HHAT: variants seen among roughly 807,000 people sequenced by gnomAD.
HHAT encodes protein-cysteine N-palmitoyltransferase HHAT.
A neutral mutation model predicts 70.8 loss-of-function variants in HHAT; 47 were observed. The ratio of observed to expected loss-of-function variants is 0.66; its 90% CI spans 0.53 to 0.85. The LOEUF (loss-of-function observed/expected upper bound fraction) is 0.85, where lower values mean the gene tolerates loss of function less well. HHAT is among the 40% of genes least tolerant of loss of function. HHAT has a pLI of 0.00. For synonymous variants in HHAT, 228 were observed against 247.6 expected, an observed-to-expected ratio of 0.92 and a Z score of 0.74; for missense variants, 609 against 604.8, an observed-to-expected ratio of 1.01 and a Z score of -0.07.
intron 9 of HHAT, among the ~76,000 whole-genome samples, chr1:210,553,613 G>A (rs1296917953): frequency 6.6e-6 from 1 of 152,210 alleles, no homozygotes; most frequent in Non-Finnish European, 1.5e-5. Context: ...TGCCCACAGG[G>A]CGTCAGACAG....
upstream of HHAT, among the ~76,000 whole-genome samples, chr1:210,327,678 G>C (rs895783015): frequency 3.3e-5 from 5 of 149,262 alleles, no homozygotes; most frequent in African/African-American, 1.2e-4. Context: ...GCTAATTTTT[G>C]TATTTTTAGT....
intron 10 of HHAT, among the ~76,000 whole-genome samples, chr1:210,599,839 G>T (rs116251275): frequency 2.2e-3 from 334 of 152,086 alleles, no homozygotes; most frequent in Non-Finnish European, 3.4e-3. Context: ...TTAGAACCAG[G>T]TCCACAACAT....
intron 9 of HHAT, among the ~76,000 whole-genome samples, chr1:210,548,142 G>C (rs1019222974): frequency 6.6e-6 from 1 of 152,182 alleles, no homozygotes; most frequent in East Asian, 1.9e-4. Context: ...GAACATTTCT[G>C]TTCTGCTGTC....
intron 7 of HHAT, among the ~76,000 whole-genome samples, chr1:210,454,169 G>A (rs1212613254): frequency 1.3e-5 from 2 of 152,172 alleles, no homozygotes. Context: ...TATAATTTAA[G>A]TTGAGATTTG....
intron 7 of HHAT, among the ~76,000 whole-genome samples, chr1:210,423,526 T>G (rs2092967191): frequency 6.6e-6 from 1 of 152,222 alleles, no homozygotes; most frequent in Non-Finnish European, 1.5e-5. Flanking sequence ...TTCACTCTGT[T>G]GTTTCCTTTT....
chr1:210,492,458 G>A (rs1463498549), intron 8 of HHAT, among the ~76,000 whole-genome samples: 2 of 152,194 alleles, frequency 1.3e-5, no homozygotes, highest in African/African-American at 4.8e-5. Flanking sequence ...TAGATGGGGG[G>A]AGGCATGGAT....
intron 6 of HHAT, among the ~76,000 whole-genome samples, chr1:210,410,523 A>ATTTTTTTTTTTTTTTTTTT (rs35608235): frequency 9.4e-5 from 11 of 116,422 alleles, no homozygotes; most frequent in African/African-American, 4.0e-4. Flanking sequence ...TTATTTGTAA[A>ATTTTTTTTTTTTTTTTTTT]TTTTTTTTTT....
At chr1:210,524,421 AG>A (rs1443650484) in intron 9 of HHAT, among the ~76,000 whole-genome samples, 2 of 152,110 alleles carry the variant, frequency 1.3e-5, no homozygotes, top group African/African-American at 4.8e-5. Flanking sequence ...AGGAGTCACC[AG>A]GGAAAGGGCG....
intron 8 of HHAT, among the ~76,000 whole-genome samples, chr1:210,495,974 G>A (rs1359617074): frequency 8.3e-6 from 1 of 120,006 alleles, no homozygotes; most frequent in Non-Finnish European, 1.6e-5. Flanking sequence ...TCACACCACT[G>A]CATTCCAGCC....
At chr1:210,466,117 G>GGAAT (rs2094101512) in intron 8 of HHAT, among the ~76,000 whole-genome samples, 1 of 151,478 alleles carries the variant, frequency 6.6e-6, no homozygotes. Flanking sequence ...GGAATCGCAA[G>GGAAT]GAATCGCAAG....
intron 8 of HHAT, among the ~76,000 whole-genome samples, chr1:210,486,664 C>T (rs1312651284): frequency 6.6e-6 from 1 of 152,076 alleles, no homozygotes; most frequent in Non-Finnish European, 1.5e-5. Flanking sequence ...AGGGACTTGC[C>T]CCCAGTATTG....
intron 11 of HHAT, among the ~76,000 whole-genome samples, chr1:210,644,701 T>A (rs1291747154): frequency 6.6e-6 from 1 of 152,144 alleles, no homozygotes; most frequent in Non-Finnish European, 1.5e-5. Flanking sequence ...TGGGAACTTT[T>A]GCATAGCATG....
intron 8 of HHAT, among the ~76,000 whole-genome samples, chr1:210,506,992 G>T (rs530444020): frequency 2.0e-5 from 3 of 152,298 alleles, no homozygotes; most frequent in East Asian, 3.9e-4. Context: ...TGAAGCAGAG[G>T]TTATGTGCTG....
intron 7 of HHAT, among the ~76,000 whole-genome samples, chr1:210,459,542 T>A (rs2093937658): frequency 6.6e-6 from 1 of 152,116 alleles, no homozygotes; most frequent in Non-Finnish European, 1.5e-5. Context: ...GGAAGTATGA[T>A]GAGAGAGGAC....
intron 7 of HHAT, among the ~76,000 whole-genome samples, chr1:210,418,953 A>G (rs1460057230): frequency 6.6e-6 from 1 of 152,122 alleles, no homozygotes; most frequent in African/African-American, 2.4e-5. Flanking sequence ...GAATCACTTG[A>G]ATCTGGGAGG....
intron 6 of HHAT, among the ~76,000 whole-genome samples, chr1:210,410,230 T>C (rs2092483856): frequency 6.9e-6 from 1 of 144,438 alleles, no homozygotes; most frequent in Non-Finnish European, 1.5e-5. Flanking sequence ...TTTTTTTGTA[T>C]TTTTTTTAGT....
intron 11 of HHAT, among the ~76,000 whole-genome samples, chr1:210,672,018 C>T (rs934584081): frequency 3.3e-5 from 5 of 152,216 alleles, no homozygotes; most frequent in African/African-American, 1.2e-4. Flanking sequence ...GTTACTATTA[C>T]TACCTTTTTT....
chr1:210,332,940 A>T lies in HHAT; in HGVS notation c.-44+3836A>T, dbSNP rs186954310. Among the ~76,000 whole-genome samples the T allele has an allele frequency of 5.1e-3, 781 of 152,218 alleles. 7 individuals carry two copies. Among genetic ancestry groups the T allele is most frequent in the African/African-American group, 0.018 (750 of 41,520 alleles). ...TACCAGTGATGTTTGTTTTTTACTC[A>T]TTTCGGCTAGGGTTAGCTTGTGGGC... is the stretch of plus-strand genomic sequence containing the variant. On this transcript the variant is annotated intron_variant, in intron 1 of 11. Coordinates refer to ENST00000261458, the MANE Select transcript of HHAT (RefSeq NM_018194.6).
In HHAT at chr1:210,658,280, A is replaced by G. The variant is rs1465264237; in HGVS notation, c.1391-16008A>G. 3.9e-5 allele frequency among the ~76,000 whole-genome samples: 6 copies of G among 152,048 alleles called. No homozygotes were observed. The East Asian group carries it at 1.2e-3, about 29-fold the overall frequency. On this transcript the variant is annotated intron_variant, in intron 11 of 11. Transcript: ENST00000261458. ...CCCAAGTGTCCCTTTTCCTCCCAGC[A>G]TCTACTCTTTCCTCCCAGCCCTGCC...
Sources: allele counts gnomAD v4.1 joint callset (sites outside exome capture counted in the v4.1 genomes callset), GRCh38; gene constraint gnomAD v4.1.1; transcripts MANE v1.5; gene names NCBI Gene and HGNC (gene_info 2026-07-23, HGNC 2026-07-21).